GALNT2: variants seen among roughly 807,000 people sequenced by gnomAD.
GALNT2 encodes polypeptide N-acetylgalactosaminyltransferase 2, also known as UDP-GalNAc:polypeptide N-acetylgalactosaminyltransferase 2.
Under a neutral mutation model 81.4 loss-of-function variants are expected in GALNT2, and 31 were observed. The ratio of observed to expected loss-of-function variants is 0.38; its 90% CI spans 0.29 to 0.51. The LOEUF is 0.51. Ranked by LOEUF, GALNT2 falls within the 20% of genes least tolerant of loss-of-function variation. The pLI is 0.87. For missense variants in GALNT2, 629 were observed against 765.7 expected, an observed-to-expected ratio of 0.82 and a Z score of 2.11; for synonymous variants, 303 against 287.4, an observed-to-expected ratio of 1.05 and a Z score of -0.55.
intron 2 of GALNT2, among the ~76,000 whole-genome samples, chr1:230,180,960 C>A (rs1196935046): frequency 1.3e-5 from 2 of 152,156 alleles, no homozygotes; most frequent in Non-Finnish European, 2.9e-5. Flanking sequence ...GACCTCACAT[C>A]TTGTAACCTT....
intron 14 of GALNT2, among the ~76,000 whole-genome samples, chr1:230,269,164 C>T (rs1233509410): frequency 3.0e-5 from 4 of 131,456 alleles, no homozygotes; most frequent in Admixed American, 1.6e-4. Flanking sequence ...TTTTTTGAGA[C>T]GGAGTTTGGC....
Position 230,143,899 on chromosome 1 carries a change from T to C in GALNT2, c.127-34319T>C, listed in dbSNP as rs377341180. On this transcript the variant is annotated intron_variant, in intron 1 of 15. Transcript: ENST00000366672. Reference sequence around the variant, plus strand: ...CTGTTATTTGGCTGTTTGTCAGATATCAAGAATTTTCTTTGTAATTAGGCT... The same window carrying C: ...CTGTTATTTGGCTGTTTGTCAGATACCAAGAATTTTCTTTGTAATTAGGCT... 3.9e-5 allele frequency among the ~76,000 whole-genome samples: 6 copies of C among 152,246 alleles called. No individual in the cohort carries two copies. The South Asian group carries it at 1.2e-3, about 31-fold the overall frequency.
At chr1:230,116,258 T>C (rs998982863) in intron 1 of GALNT2, among the ~76,000 whole-genome samples, 1 of 151,814 alleles carries the variant, frequency 6.6e-6, no homozygotes, top group Non-Finnish European at 1.5e-5. Flanking sequence ...TGAGACAGAG[T>C]CTCGCTATGT....
intron 10 of GALNT2, 98 bp downstream of exon 10, chr1:230,250,658 C>G: frequency 1.3e-6 from 1 of 754,184 alleles, no homozygotes; most frequent in East Asian, 2.6e-5. Context: ...TTCAGAGTGA[C>G]CATTCACTGG....
At chr1:230,191,355 C>G (rs573533047) in intron 2 of GALNT2, among the ~76,000 whole-genome samples, 1 of 152,178 alleles carries the variant, frequency 6.6e-6, no homozygotes, top group Admixed American at 6.5e-5. Flanking sequence ...TGTGCAGTAA[C>G]TGTGGATGTT....
At chr1:230,166,157 A>G (rs1323924853) in intron 1 of GALNT2, among the ~76,000 whole-genome samples, 1 of 152,220 alleles carries the variant, frequency 6.6e-6, no homozygotes, top group Non-Finnish European at 1.5e-5. Context: ...AAAAAAATAG[A>G]TTAAGACAAT....
chr1:230,097,569 C>T (rs779893852), intron 1 of GALNT2, among the ~76,000 whole-genome samples: 10 of 152,180 alleles, frequency 6.6e-5, no homozygotes, highest in Non-Finnish European at 1.3e-4. Context: ...GAGCGTGTGT[C>T]GGAATTGCCT....
chr1:230,141,307 C>A (rs142818804), intron 1 of GALNT2, among the ~76,000 whole-genome samples: 1 of 152,174 alleles, frequency 6.6e-6, no homozygotes, highest in Non-Finnish European at 1.5e-5. Context: ...TGTTTTTAAT[C>A]CTTAAAAGTT....
In GALNT2 at chr1:230,281,575, T is replaced by A. The variant is rs72647722; in HGVS notation, c.*2117T>A. The A allele has an allele frequency of 0.048, 7,298 of 152,608 alleles. 195 individuals carry two copies. The highest frequency in any genetic ancestry group is 0.064 in the Middle Eastern group (19 of 296). 9.5% of individuals were successfully genotyped at this position (152,608 alleles called of 1,614,324 possible). A position where few individuals can be genotyped will look rare whatever the true frequency, so the allele number is the denominator to read the frequency against. ...GTTTTCTGACGAATCCTTTGCCCCT[T>A]CACCTTTACCCCGCCCGCACCCCTA... On this transcript the variant is annotated 3_prime_UTR_variant, in exon 16 of 16. Transcript: ENST00000366672.
intron 1 of GALNT2, among the ~76,000 whole-genome samples, chr1:230,109,831 C>CAA (rs562461775): frequency 1.7e-5 from 2 of 118,016 alleles, no homozygotes; most frequent in Non-Finnish European, 3.7e-5. Flanking sequence ...ACTTCGTCTC[C>CAA]AAAAAAAAAA....
In GALNT2 at chr1:230,279,644, G is replaced by C. The variant is rs1313679420; in HGVS notation, c.*186G>C. 1 of 714,816 alleles carries C rather than the reference G, an allele frequency of 1.4e-6. No homozygotes were observed. The highest frequency in any genetic ancestry group is 1.9e-5 in the South Asian group (1 of 53,834). 44.3% of individuals were successfully genotyped at this position (714,816 alleles called of 1,614,324 possible). On this transcript the variant is annotated 3_prime_UTR_variant, in exon 16 of 16. Coordinates refer to ENST00000366672, the MANE Select transcript of GALNT2 (RefSeq NM_004481.5). This position sits in a 1 kb window ranked among gnomAD's most constrained non-coding sequence, Gnocchi z 4.6. ...CAGACACAGCAGCGGCAAGAAGCGA[G>C]AACTGCCCTCCCCCTCCTCTCGGTG...
intron 2 of GALNT2, among the ~76,000 whole-genome samples, chr1:230,195,843 G>T (rs1279147208): frequency 6.9e-6 from 1 of 144,888 alleles, no homozygotes; most frequent in South Asian, 2.2e-4. Context: ...AGACCTGGAC[G>T]TGAGTTTGGG....
intron 1 of GALNT2, among the ~76,000 whole-genome samples, chr1:230,089,428 C>T (rs946560647): frequency 6.6e-6 from 1 of 152,148 alleles, no homozygotes; most frequent in African/African-American, 2.4e-5. Context: ...GCTGGGATTA[C>T]AGGTGTGAGC....
At chr1:230,186,900 A>G (rs1408668733) in intron 2 of GALNT2, among the ~76,000 whole-genome samples, 1 of 152,236 alleles carries the variant, frequency 6.6e-6, no homozygotes, top group Non-Finnish European at 1.5e-5. Flanking sequence ...ACCAACATAC[A>G]CATAATTTTT....
At chr1:230,067,104 G>A (rs1036618992), upstream of GALNT2, 17 of 167,676 alleles carry the variant, frequency 1.0e-4, no homozygotes, top group Non-Finnish European at 1.8e-4. Context: ...GCCGGCCCGG[G>A]GCGGAGCTCG....
At chr1:230,167,677 G>C (rs1031273258) in intron 1 of GALNT2, among the ~76,000 whole-genome samples, 1 of 152,200 alleles carries the variant, frequency 6.6e-6, no homozygotes, top group Admixed American at 6.5e-5. Context: ...GGGAACTGCC[G>C]AGCGTGGAGG....
At chr1:230,250,842 A>G (rs530868268) in intron 10 of GALNT2, among the ~76,000 whole-genome samples, 4 of 152,288 alleles carry the variant, frequency 2.6e-5, no homozygotes, top group South Asian at 4.1e-4. Flanking sequence ...AGTGTTTGGA[A>G]TGTTGCAGGC....
chr1:230,081,085 G>A lies in GALNT2; in HGVS notation c.126+13679G>A, dbSNP rs564174369. ...GAACCAACCTACTTTCCTCGAAAGC[G>A]CCTCCAGCCTCCGCAGACCATGCCT... On this transcript the variant is annotated intron_variant, in intron 1 of 15. Coordinates refer to ENST00000366672, the MANE Select transcript of GALNT2 (RefSeq NM_004481.5). 2.9e-4 allele frequency among the ~76,000 whole-genome samples: 44 copies of A among 152,282 alleles called. No individual in the cohort carries two copies. The Middle Eastern group carries it at 0.014, about 47-fold the overall frequency.
intron 6 of GALNT2, among the ~76,000 whole-genome samples, chr1:230,242,212 T>A (rs1408710949): frequency 6.6e-6 from 1 of 152,246 alleles, no homozygotes; most frequent in East Asian, 1.9e-4. Flanking sequence ...CTATCTAGTT[T>A]CTGTCTGCTT....
Sources: gnomAD v4.1 joint callset for allele counts (sites outside exome capture counted in the v4.1 genomes callset) on GRCh38, gnomAD v4.1.1 for gene constraint, Gnocchi (gnomAD v3.1) non-coding constraint, MANE v1.5 for transcripts, NCBI Gene and HGNC (gene_info 2026-07-23, HGNC 2026-07-21) for gene names.